Variants in CHRM2 observed in about 807,000 individuals in gnomAD.
CHRM2 encodes muscarinic acetylcholine receptor M2.
CHRM2 carries 8 observed loss-of-function variants against 25.0 expected under a neutral mutation model. That is an observed-to-expected ratio of 0.32 (90% confidence interval 0.19 to 0.58). CHRM2 has a LOEUF of 0.58. CHRM2 is among the 20% of genes least tolerant of loss of function. CHRM2 has a pLI of 0.88. For missense variants in CHRM2, 440 were observed against 567.1 expected (o/e 0.78, Z 2.28); for synonymous variants, 202 against 205.7 (o/e 0.98, Z 0.15).
intron 2 of CHRM2, among the ~76,000 whole-genome samples, chr7:136,928,735 A>G (rs1798885531): frequency 1.3e-5 from 2 of 152,182 alleles, no homozygotes; most frequent in Non-Finnish European, 2.9e-5. Context: ...AGAGCCCATG[A>G]TTTAGAATCA....
At position 136,868,746 on chromosome 7, in the gene CHRM2, GCACACACACACACACA is replaced by G. The variant is rs35916399; in HGVS notation, c.-516_-501del. The stretch of plus-strand genomic sequence containing the variant: ...GCAAAGACCTAGGGAGCGCGCGCGG[GCACACACACACACACA>G]CACACACACACAGACACACACACAC... On this transcript the variant is annotated 5_prime_UTR_variant, in exon 1 of 4. Transcript: ENST00000680005. 11,021 of 149,562 alleles carry G rather than the reference GCACACACACACACACA, an allele frequency of 0.074. 516 individuals are homozygous for G. Among genetic ancestry groups the G allele is most frequent in the Middle Eastern group, 0.15 (41 of 282 alleles). The allele number at this position is 149,562 out of a possible 1,614,324, so 9.3% of individuals were successfully genotyped here.
chr7:136,965,494 C>A (rs1469783075), intron 2 of CHRM2, among the ~76,000 whole-genome samples: 1 of 151,988 alleles, frequency 6.6e-6, no homozygotes, highest in African/African-American at 2.4e-5. Context: ...TTAATTATTA[C>A]ATTTTGCCAA....
intron 2 of CHRM2, among the ~76,000 whole-genome samples, chr7:136,986,799 T>C (rs1018009045): frequency 3.3e-5 from 5 of 152,190 alleles, no homozygotes; most frequent in African/African-American, 1.2e-4. Context: ...GGCTTCCTTG[T>C]CTATAGGGAC....
In CHRM2 at chr7:136,869,332, G is replaced by C. The variant is rs932747763; in HGVS notation, c.-211G>C. ...TGCGCAGCTCCAGCCCGAGCGGATC[G>C]GCCCTGAACCCACAAAGGACTCCTC... is the stretch of plus-strand genomic sequence containing the variant. On this transcript the variant is annotated 5_prime_UTR_variant, in exon 2 of 4. Transcript: ENST00000680005. This position sits in a 1 kb window ranked among gnomAD's most constrained non-coding sequence, Gnocchi z 4.9. The C allele has an allele frequency of 2.6e-5, 4 of 152,186 alleles. No homozygotes were observed. The highest frequency in any genetic ancestry group is 9.7e-5 in the African/African-American group (4 of 41,428). The allele number at this position is 152,186 out of a possible 1,614,324, so 9.4% of individuals were successfully genotyped here. A position where few individuals can be genotyped will look rare whatever the true frequency, so the allele number is the denominator to read the frequency against.
intron 2 of CHRM2, among the ~76,000 whole-genome samples, chr7:136,932,904 C>T (rs1415103114): frequency 6.6e-6 from 1 of 152,058 alleles, no homozygotes; most frequent in Non-Finnish European, 1.5e-5. Flanking sequence ...GTGGCGTGCA[C>T]CTGTAGTCCC....
intron 2 of CHRM2, among the ~76,000 whole-genome samples, chr7:136,956,280 G>A (rs1471962633): frequency 1.3e-5 from 2 of 152,076 alleles, no homozygotes; most frequent in Non-Finnish European, 2.9e-5. Flanking sequence ...GTTAGTCAGC[G>A]GTCTTTTTGT....
chr7:136,993,122 G>A (rs149316383), intron 3 of CHRM2, among the ~76,000 whole-genome samples: 314 of 152,266 alleles, frequency 2.1e-3, no homozygotes, highest in African/African-American at 7.3e-3. Context: ...ATACTGATGA[G>A]CTTATAGTAA....
intron 2 of CHRM2, among the ~76,000 whole-genome samples, chr7:136,892,376 A>G (rs1468125127): frequency 6.6e-6 from 1 of 152,336 alleles, no homozygotes; most frequent in African/African-American, 2.4e-5. Flanking sequence ...ATTGGTCCCA[A>G]GTTACCTTCT....
Position 137,017,610 on chromosome 7 carries a change from C to T in CHRM2, c.*1344C>T, listed in dbSNP as rs555279684. 6.6e-6 allele frequency: 1 copy of T among 152,090 alleles called. No individual in the cohort carries two copies. Among genetic ancestry groups the T allele is most frequent in the South Asian group, 2.1e-4 (1 of 4,828 alleles). 9.4% of individuals were successfully genotyped at this position (152,090 alleles called of 1,614,324 possible). On this transcript the variant is annotated 3_prime_UTR_variant, in exon 4 of 4. Transcript: ENST00000680005. ...CTGAAACAATTACATATTCCATATT[C>T]CTCAAATTGTCAATTCTCCCTAACA... is the stretch of plus-strand genomic sequence containing the variant.
At chr7:136,929,658 G>A (rs540048477) in intron 2 of CHRM2, among the ~76,000 whole-genome samples, 2 of 151,986 alleles carry the variant, frequency 1.3e-5, no homozygotes, top group African/African-American at 2.4e-5. Flanking sequence ...CAATAACCTC[G>A]TGGTTAAATA....
At chr7:136,984,687 T>C (rs962543282) in intron 2 of CHRM2, among the ~76,000 whole-genome samples, 2 of 152,048 alleles carry the variant, frequency 1.3e-5, no homozygotes, top group Non-Finnish European at 2.9e-5. Flanking sequence ...CGGCTTCCCT[T>C]GGCTAGAGGA....
chr7:137,007,365 G>A (rs1041176981), intron 3 of CHRM2, among the ~76,000 whole-genome samples: 1 of 152,170 alleles, frequency 6.6e-6, no homozygotes, highest in South Asian at 2.1e-4. Context: ...AGCCCTTGAG[G>A]GCATGTGTGG....
intron 3 of CHRM2, among the ~76,000 whole-genome samples, chr7:136,999,758 C>G (rs1803860648): frequency 6.6e-6 from 1 of 152,150 alleles, no homozygotes; most frequent in Non-Finnish European, 1.5e-5. Flanking sequence ...TACTTCTGTT[C>G]CCAACTGCTT....
chr7:136,878,977 T>A (rs531637224), intron 2 of CHRM2, among the ~76,000 whole-genome samples: 1 of 151,974 alleles, frequency 6.6e-6, no homozygotes, highest in South Asian at 2.1e-4. Flanking sequence ...TTCTAGTCAG[T>A]GTTCAGAAAA....
At chr7:136,959,640 C>T (rs1432361210) in intron 2 of CHRM2, among the ~76,000 whole-genome samples, 4 of 151,968 alleles carry the variant, frequency 2.6e-5, no homozygotes, top group Admixed American at 2.0e-4. Context: ...GGGGAGGCCA[C>T]GGTGGCTCAC....
chr7:136,908,339 C>A (rs966897976), intron 2 of CHRM2, among the ~76,000 whole-genome samples: 1 of 151,928 alleles, frequency 6.6e-6, no homozygotes, highest in Non-Finnish European at 1.5e-5. Context: ...AACTACTGTG[C>A]AATACCACCT....
chr7:136,871,908 T>C (rs1195006517), intron 2 of CHRM2: 2 of 149,586 alleles, frequency 1.3e-5, no homozygotes, highest in African/African-American at 2.4e-5. Flanking sequence ...TTATTATTGT[T>C]ACTACTATTA....
At position 137,014,973 on chromosome 7, in the gene CHRM2, G is replaced by T. The variant is rs777830289; in HGVS notation, c.108G>T (p.Val36=). ...IVLVAGSLSL[V]TIIGNILVMV... is the part of the protein sequence containing the mutation. ...TGGTGGCTGGATCCCTCAGTTTGGT[G>T]ACCATTATCGGGAACATCCTAGTCA... The change falls in exon 4 of 4, where the codon GTG becomes GTT. Residue 36 remains valine (V), a synonymous_variant. Transcript: ENST00000680005. The T allele has an allele frequency of 1.9e-6, 3 of 1,613,264 alleles. No individual in the cohort carries two copies. Among genetic ancestry groups the T allele is most frequent in the Non-Finnish European group, 2.5e-6 (3 of 1,179,542 alleles).
chr7:137,009,259 T>G (rs1015737477), intron 3 of CHRM2, among the ~76,000 whole-genome samples: 2 of 152,128 alleles, frequency 1.3e-5, no homozygotes, highest in African/African-American at 2.4e-5. Flanking sequence ...TTTAATTATA[T>G]TAATTTTCTC....
Sources: allele counts gnomAD v4.1 joint callset (sites outside exome capture counted in the v4.1 genomes callset), GRCh38; gene constraint gnomAD v4.1.1; non-coding constraint Gnocchi (gnomAD v3.1); transcripts MANE v1.5; gene names NCBI Gene and HGNC (gene_info 2026-07-23, HGNC 2026-07-21).